The following PDGFD variants were observed in gnomAD, a reference collection of about 807,000 sequenced individuals.
The protein encoded by PDGFD is platelet-derived growth factor D.
A neutral mutation model predicts 44.7 loss-of-function variants in PDGFD; 30 were observed. That is an observed-to-expected ratio of 0.67 (90% CI 0.50 to 0.91). PDGFD has a LOEUF of 0.91. Among genes scored for constraint, PDGFD ranks in the 40% least tolerant of loss-of-function variants. The pLI is 0.00. For synonymous variants in PDGFD, 173 were observed against 168.4 expected (o/e 1.03, Z -0.21); for missense variants, 445 against 457.8 (o/e 0.97, Z 0.25).
chr11:103,962,732 A>G (rs757507411), intron 3 of PDGFD, among the ~76,000 whole-genome samples: 20 of 152,282 alleles, frequency 1.3e-4, no homozygotes, highest in African/African-American at 4.6e-4. Context: ...TAAAGCCTCT[A>G]TGCTTTAGAT....
intron 3 of PDGFD, among the ~76,000 whole-genome samples, chr11:103,984,870 AAT>A (rs1859331464): frequency 2.1e-5 from 3 of 140,218 alleles, no homozygotes; most frequent in South Asian, 2.1e-4. Context: ...TAATTTATCT[AAT>A]ATAGTTATAT....
intron 1 of PDGFD, among the ~76,000 whole-genome samples, chr11:104,087,086 C>A (rs1364673169): frequency 7.6e-6 from 1 of 131,954 alleles, no homozygotes; most frequent in African/African-American, 2.7e-5. Flanking sequence ...AGTGCAGTGG[C>A]GCAATCTCAG....
At chr11:103,930,909 A>G (rs1591081505) in intron 5 of PDGFD, among the ~76,000 whole-genome samples, 1 of 152,294 alleles carries the variant, frequency 6.6e-6, no homozygotes, top group East Asian at 1.9e-4. Context: ...TTGTGATAAA[A>G]CATTTCGTCC....
At chr11:104,033,987 T>C (rs1860173220) in intron 1 of PDGFD, among the ~76,000 whole-genome samples, 1 of 152,204 alleles carries the variant, frequency 6.6e-6, no homozygotes, top group Admixed American at 6.5e-5. Flanking sequence ...AATCCTTATA[T>C]GATGAAACAC....
intron 1 of PDGFD, among the ~76,000 whole-genome samples, chr11:104,050,126 G>A (rs1860508249): frequency 6.6e-6 from 1 of 152,124 alleles, no homozygotes; most frequent in African/African-American, 2.4e-5. Flanking sequence ...AAAAGCAAGA[G>A]AGAACAAAGA....
At chr11:103,977,531 C>T (rs956167653) in intron 3 of PDGFD, among the ~76,000 whole-genome samples, 1 of 152,018 alleles carries the variant, frequency 6.6e-6, no homozygotes, top group Admixed American at 6.6e-5. Flanking sequence ...TGGTTTAACT[C>T]TTCTTTAAAA....
chr11:103,979,483 G>A (rs1859233985), intron 3 of PDGFD, among the ~76,000 whole-genome samples: 1 of 152,048 alleles, frequency 6.6e-6, no homozygotes, highest in South Asian at 2.1e-4. Flanking sequence ...GCAACTATCT[G>A]GCAGGGAGGT....
chr11:103,959,920 A>C (rs544081548), intron 3 of PDGFD, among the ~76,000 whole-genome samples: 40 of 152,280 alleles, frequency 2.6e-4, no homozygotes, highest in African/African-American at 8.9e-4. Context: ...TTTAATTTCT[A>C]TTAGTTCATG....
At chr11:104,083,541 C>T (rs1367413617) in intron 1 of PDGFD, among the ~76,000 whole-genome samples, 1 of 152,128 alleles carries the variant, frequency 6.6e-6, no homozygotes, top group African/African-American at 2.4e-5. Flanking sequence ...ATCAAATGTT[C>T]CCATTACTAA....
At position 103,978,640 on chromosome 11, in the gene PDGFD, C is replaced by G. The variant is rs1859218099; in HGVS notation, c.510+17425G>C. Among the ~76,000 whole-genome samples the G allele has an allele frequency of 2.6e-5, 4 of 151,992 alleles. 1 individual carries two copies. The South Asian group carries it at 8.3e-4, about 32-fold the overall frequency. On this transcript the variant is annotated intron_variant, in intron 3 of 6. Coordinates refer to ENST00000393158, the MANE Select transcript of PDGFD (RefSeq NM_025208.5). Reference sequence around the variant, plus strand: ...TAGAAAGTGCTTTCCCATATGTGATCTCATTTAATCCTATGGCATGCTTGT... The same window carrying G: ...TAGAAAGTGCTTTCCCATATGTGATGTCATTTAATCCTATGGCATGCTTGT...
intron 6 of PDGFD, among the ~76,000 whole-genome samples, chr11:103,915,621 G>C (rs965643899): frequency 1.3e-5 from 2 of 152,200 alleles, no homozygotes; most frequent in East Asian, 1.9e-4. Flanking sequence ...CAAAAAAAGA[G>C]CCCACAGAGC....
At chr11:104,049,542 TTTTTG>T (rs1395243548) in intron 1 of PDGFD, among the ~76,000 whole-genome samples, 1 of 152,078 alleles carries the variant, frequency 6.6e-6, no homozygotes, top group African/African-American at 2.4e-5. Context: ...TTTAAGCTTT[TTTTTG>T]TTTTGTTTTG....
At chr11:104,149,919 T>C (rs190410578) in intron 1 of PDGFD, among the ~76,000 whole-genome samples, 30 of 152,270 alleles carry the variant, frequency 2.0e-4, no homozygotes, top group Admixed American at 1.4e-3. Context: ...CTGCTGTATA[T>C]ATCTTCTGTT....
intron 2 of PDGFD, among the ~76,000 whole-genome samples, chr11:103,996,645 G>A (rs952130240): frequency 1.3e-5 from 2 of 152,134 alleles, no homozygotes; most frequent in East Asian, 1.9e-4. Flanking sequence ...TACCCACTCT[G>A]AATTAATTTA....
intron 3 of PDGFD, among the ~76,000 whole-genome samples, chr11:103,987,296 C>A (rs1402150648): frequency 6.6e-6 from 1 of 152,106 alleles, no homozygotes; most frequent in Non-Finnish European, 1.5e-5. Context: ...CCTTTCCCAC[C>A]CCATTTCTCT....
intron 1 of PDGFD, among the ~76,000 whole-genome samples, chr11:104,091,005 C>T (rs1023098109): frequency 2.6e-5 from 4 of 152,056 alleles, no homozygotes; most frequent in Admixed American, 6.6e-5. Flanking sequence ...TGCAAACTAC[C>T]GAGTCTAACA....
intron 1 of PDGFD, among the ~76,000 whole-genome samples, chr11:104,028,394 T>C (rs1213786778): frequency 6.6e-6 from 1 of 151,620 alleles, no homozygotes; most frequent in Non-Finnish European, 1.5e-5. Context: ...ACACAAATTA[T>C]GGCTCTTAGT....
intron 3 of PDGFD, among the ~76,000 whole-genome samples, chr11:103,968,216 C>T (rs1330618152): frequency 1.3e-5 from 2 of 152,126 alleles, no homozygotes; most frequent in East Asian, 3.9e-4. Flanking sequence ...GTCAGCATTT[C>T]CCAGCACTCT....
rs1591070753 is a variant in PDGFD, at chr11:103,909,621, A to G, written c.*73T>C. On this transcript the variant is annotated 3_prime_UTR_variant, in exon 7 of 7. Coordinates refer to ENST00000393158, the MANE Select transcript of PDGFD (RefSeq NM_025208.5). Reference sequence around the variant, plus strand: ...AGTAGTAAGTTTGGTTGCTGGTAGGAAAAGGGTCTCTTATCTCACCCTCCT... The same window carrying G: ...AGTAGTAAGTTTGGTTGCTGGTAGGGAAAGGGTCTCTTATCTCACCCTCCT... The G allele has an allele frequency of 6.4e-7, 1 of 1,573,068 alleles. No individual in the cohort carries two copies. Among genetic ancestry groups the G allele is most frequent in the East Asian group, 2.2e-5 (1 of 44,526 alleles).
Sources: allele counts gnomAD v4.1 joint callset (sites outside exome capture counted in the v4.1 genomes callset), GRCh38; gene constraint gnomAD v4.1.1; transcripts MANE v1.5; gene names NCBI Gene and HGNC (gene_info 2026-07-23, HGNC 2026-07-21).